KPNA7: variants seen among roughly 807,000 people sequenced by gnomAD.
KPNA7 encodes importin subunit alpha-8.
A neutral mutation model predicts 53.7 loss-of-function variants in KPNA7; 54 were observed. That is an observed-to-expected ratio of 1.01 (90% CI 0.81 to 1.26). The LOEUF (loss-of-function observed/expected upper bound fraction) is 1.26, where lower values mean the gene tolerates loss of function less well. KPNA7 is among the 50% of genes most tolerant of loss of function. KPNA7 has a pLI of 0.00. For missense variants in KPNA7, 640 were observed against 644.5 expected, an observed-to-expected ratio of 0.99 and a Z score of 0.07; for synonymous variants, 276 against 259.3, an observed-to-expected ratio of 1.06 and a Z score of -0.62.
At chr7:99,201,347 A>C (rs1324444724) in intron 3 of KPNA7, among the ~76,000 whole-genome samples, 1 of 152,076 alleles carries the variant, frequency 6.6e-6, no homozygotes, top group Non-Finnish European at 1.5e-5. Flanking sequence ...TTTGATGTGA[A>C]TTATACCTTC....
chr7:99,180,707 CTCTCTCTCTCTCCGTCTGTG>C, intron 9 of KPNA7, among the ~76,000 whole-genome samples: 1 of 137,172 alleles, frequency 7.3e-6, no homozygotes, highest in Admixed American at 7.1e-5. Flanking sequence ...CTGTCTGTGT[CTCTCTCTCTCTCCGTCTGTG>C]TCTCTCTCTC....
At chr7:99,172,484 G>A (rs1798787256), downstream of KPNA7, among the ~76,000 whole-genome samples, 1 of 151,926 alleles carries the variant, frequency 6.6e-6, no homozygotes, top group South Asian at 2.1e-4. Flanking sequence ...GGAGGCTGAA[G>A]TGGGAGGACC....
At chr7:99,187,879 C>T (rs528897835) in intron 7 of KPNA7, among the ~76,000 whole-genome samples, 1 of 139,092 alleles carries the variant, frequency 7.2e-6, no homozygotes, top group East Asian at 2.3e-4. Context: ...CTTTTGGCCA[C>T]AGAGTAGCAA....
intron 1 of KPNA7, among the ~76,000 whole-genome samples, chr7:99,214,054 C>T (rs374661793): frequency 1.3e-5 from 2 of 152,126 alleles, no homozygotes; most frequent in African/African-American, 4.8e-5. Context: ...TGTGAAGTAT[C>T]AGAACCAGGA....
intron 1 of KPNA7, among the ~76,000 whole-genome samples, chr7:99,217,817 GAC>G (rs1791251200): frequency 1.3e-5 from 2 of 151,710 alleles, no homozygotes; most frequent in African/African-American, 4.8e-5. Flanking sequence ...TTTTACTAGA[GAC>G]AGAGTTTCAT....
chr7:99,179,555 C>G (rs1370560675), intron 9 of KPNA7, among the ~76,000 whole-genome samples: 1 of 150,766 alleles, frequency 6.6e-6, no homozygotes, highest in Non-Finnish European at 1.5e-5. Context: ...GATCCTGTTT[C>G]AAAATATATA....
chr7:99,187,076 C>T (rs905291917), intron 7 of KPNA7, among the ~76,000 whole-genome samples: 1 of 152,028 alleles, frequency 6.6e-6, no homozygotes, highest in Admixed American at 6.6e-5. Context: ...CACCTGAGGT[C>T]AAGAGTTCAG....
At chr7:99,154,701 G>A in the KPNA7 span, among the ~76,000 whole-genome samples, 4 of 150,352 alleles carry the variant, frequency 2.7e-5, no homozygotes, top group Admixed American at 2.0e-4. Context: ...TTTTTTTTTC[G>A]TATTTTTAGT....
intron 6 of KPNA7, among the ~76,000 whole-genome samples, chr7:99,191,371 G>A (rs1442408998): frequency 6.6e-6 from 1 of 152,050 alleles, no homozygotes; most frequent in Non-Finnish European, 1.5e-5. Flanking sequence ...GGCCAGGATG[G>A]TCTTGATCTC....
chr7:99,164,188 T>C, the KPNA7 span, among the ~76,000 whole-genome samples: 8,970 of 150,790 alleles, frequency 0.059, 336 homozygotes, highest in Middle Eastern at 0.12. Context: ...CACATGCACA[T>C]GTATGTTTAT....
chr7:99,185,015 T>C lies in KPNA7; in HGVS notation c.1048A>G (p.Ser350Gly). Reference protein sequence around the residue: ...SIQKEAAWALSNVAAGPCHHI... With the variant: ...SIQKEAAWALGNVAAGPCHHI... ...TGACAAGGCCCCGCTGCTACGTTGC[T>C]CAGGGCCCAGGCTGCCTCCTTCTGG... Residue 350 changes from serine to glycine, a missense_variant, in exon 8 of 11, where the codon AGC (serine) becomes GGC (glycine). Ser to Gly is a moderately conservative substitution (Grantham distance 56). Transcript: ENST00000327442. 1.9e-6 allele frequency: 3 copies of C among 1,551,870 alleles called. No homozygotes were observed. Among genetic ancestry groups the C allele is most frequent in the South Asian group, 2.4e-5 (2 of 84,058 alleles).
At chr7:99,184,799 G>A (rs1355904024) in intron 8 of KPNA7, 130 bp downstream of exon 8, 1 of 751,460 alleles carries the variant, frequency 1.3e-6, no homozygotes, top group Admixed American at 2.6e-5. Context: ...GCAAAGCTAG[G>A]ACTCTGAGGT....
upstream of KPNA7, among the ~76,000 whole-genome samples, chr7:99,212,553 T>C (rs12705052): frequency 0.061 from 9,263 of 151,984 alleles, 316 homozygotes; most frequent in South Asian, 0.15. Context: ...CATGCATGGC[T>C]TACTTTTAAG....
Position 99,181,892 on chromosome 7 carries a change from G to C in KPNA7, c.1308C>G (p.Cys436Trp). Residue 436 changes from cysteine to tryptophan, a missense_variant, in exon 9 of 11, where the codon TGC becomes TGG. By Grantham distance (215) the Cys-to-Trp change is radical (BLOSUM62 -2). Coordinates refer to ENST00000327442, the MANE Select transcript of KPNA7 (RefSeq NM_001145715.3). ...GTTCAGAACGGCTCACCTGGAGGAT[G>C]CAAGAGATGACATCAAGGATGATGA... ...IVLIILDVIS[C>W]ILQAAEKRSE... 6.5e-7 allele frequency: 1 copy of C among 1,544,452 alleles called. No individual in the cohort carries two copies. Among genetic ancestry groups the C allele is most frequent in the Non-Finnish European group, 8.8e-7 (1 of 1,141,594 alleles).
At chr7:99,190,344 A>G (rs185458478) in intron 6 of KPNA7, among the ~76,000 whole-genome samples, 1 of 151,686 alleles carries the variant, frequency 6.6e-6, no homozygotes, top group Admixed American at 6.6e-5. Flanking sequence ...TCAAAAAAAA[A>G]AAAAAGCAGA....
In KPNA7 at chr7:99,203,210, G is replaced by C; in HGVS notation, c.97C>G (p.Leu33Val). ...TCTTTCTTGGCCTTTCGGAGCTCCA[G>C]ACTGACCGCCATCCTCTGCTGTCGC... ...LRRQQRMAVS[L>V]ELRKAKKDEQ... Residue 33 changes from leucine to valine, a missense_variant, in exon 3 of 11, where the codon CTG becomes GTG. Coordinates refer to ENST00000327442, the MANE Select transcript of KPNA7 (RefSeq NM_001145715.3). 1 of 1,551,660 alleles carries C rather than the reference G, an allele frequency of 6.4e-7. No individual in the cohort carries two copies. Among genetic ancestry groups the C allele is most frequent in the Non-Finnish European group, 8.7e-7 (1 of 1,146,928 alleles).
At chr7:99,187,033 C>T (rs1789629698) in intron 7 of KPNA7, among the ~76,000 whole-genome samples, 1 of 151,864 alleles carries the variant, frequency 6.6e-6, no homozygotes, top group Non-Finnish European at 1.5e-5. Context: ...ATGCCTGTAA[C>T]CCCAGCACTT....
In KPNA7 at chr7:99,214,609, C is replaced by A. The variant is rs368956249; in HGVS notation, c.-23-7120G>T. On this transcript the variant is annotated intron_variant, in intron 1 of 10. Coordinates refer to the KPNA7 transcript ENST00000681060. ...CGCCACTGCAATCCAGCCTGGATAA[C>A]AAAGAGAGACCCTGTTTCAAAGGAA... Among the ~76,000 whole-genome samples the A allele has an allele frequency of 4.5e-3, 442 of 97,972 alleles. 5 individuals carry two copies. Among genetic ancestry groups the A allele is most frequent in the African/African-American group, 0.017 (434 of 26,062 alleles). The allele number at this position is 97,972 out of a possible 152,430, so 64.3% of individuals were successfully genotyped here. A position where few individuals can be genotyped will look rare whatever the true frequency, so the allele number is the denominator to read the frequency against.
At chr7:99,185,968 T>C (rs1789566389) in intron 7 of KPNA7, among the ~76,000 whole-genome samples, 2 of 152,120 alleles carry the variant, frequency 1.3e-5, no homozygotes, top group South Asian at 4.1e-4. Context: ...AATTTTTGTA[T>C]CTTTTGTAGA....
Sources: allele counts gnomAD v4.1 joint callset (sites outside exome capture counted in the v4.1 genomes callset), GRCh38; gene constraint gnomAD v4.1.1; transcripts MANE v1.5; gene names NCBI Gene and HGNC (gene_info 2026-07-23, HGNC 2026-07-21).